CSMD1: variants seen among roughly 807,000 people sequenced by gnomAD.
The protein encoded by CSMD1 is CUB and sushi domain-containing protein 1.
A neutral mutation model predicts 417.5 loss-of-function variants in CSMD1; 213 were observed. That is an observed-to-expected ratio of 0.51 (90% CI 0.46 to 0.57). The LOEUF (loss-of-function observed/expected upper bound fraction) is 0.57, where lower values mean the gene tolerates loss of function less well. Among genes scored for constraint, CSMD1 ranks in the 20% least tolerant of loss-of-function variants. The pLI is 0.00. For synonymous variants in CSMD1, 2,862 were observed against 1,736.8 expected (o/e 1.65, Z -16.11); for missense variants, 6,923 against 4,529.7 (o/e 1.53, Z -15.17).
At chr8:3,288,459 T>C (rs58245319) in intron 25 of CSMD1, among the ~76,000 whole-genome samples, 21,860 of 146,772 alleles carry the variant, frequency 0.15, 3,309 homozygotes, top group African/African-American at 0.25. Flanking sequence ...AGCTACTGAT[T>C]ATTGCCTCAA....
chr8:4,736,789 G>T (rs1282973691), intron 1 of CSMD1, among the ~76,000 whole-genome samples: 5 of 152,156 alleles, frequency 3.3e-5, no homozygotes, highest in Non-Finnish European at 7.4e-5. Context: ...TAACACTTTT[G>T]TATAAACAAG....
intron 5 of CSMD1, among the ~76,000 whole-genome samples, chr8:3,996,142 T>G (rs992217875): frequency 2.6e-5 from 4 of 152,126 alleles, no homozygotes; most frequent in African/African-American, 9.7e-5. Flanking sequence ...AAGCTGCCAC[T>G]GATCATAGGT....
chr8:3,942,615 C>T lies in CSMD1; in HGVS notation c.818+55288G>A, dbSNP rs111774762. On this transcript the variant is annotated intron_variant, in intron 5 of 69. Coordinates refer to ENST00000635120, the MANE Select transcript of CSMD1 (RefSeq NM_033225.6). ...TTTTCCTCTAAAGGCGACATTGGTC[C>T]GGCCATTCTACTTACTGGTTAGCCT... 7.5e-3 allele frequency among the ~76,000 whole-genome samples: 1,147 copies of T among 152,220 alleles called. 14 individuals carry two copies. The highest frequency in any genetic ancestry group is 0.025 in the African/African-American group (1,053 of 41,526).
At chr8:3,050,798 T>A (rs1403352544) in intron 50 of CSMD1, among the ~76,000 whole-genome samples, 1 of 152,196 alleles carries the variant, frequency 6.6e-6, no homozygotes, top group African/African-American at 2.4e-5. Flanking sequence ...TCTAAGTATA[T>A]GGATATAAGT....
intron 2 of CSMD1, among the ~76,000 whole-genome samples, chr8:4,528,502 A>G (rs1263710488): frequency 1.3e-5 from 2 of 152,234 alleles, no homozygotes; most frequent in Admixed American, 6.5e-5. Flanking sequence ...GCTGTGTAGC[A>G]TGGCGCCTAG....
intron 3 of CSMD1, among the ~76,000 whole-genome samples, chr8:4,191,377 C>G (rs1025114298): frequency 7.2e-5 from 11 of 151,978 alleles, no homozygotes; most frequent in Non-Finnish European, 1.6e-4. Flanking sequence ...GCCTGGGCAA[C>G]AGAGCAAGAC....
At chr8:3,977,871 T>C (rs1389267663) in intron 5 of CSMD1, among the ~76,000 whole-genome samples, 1 of 152,208 alleles carries the variant, frequency 6.6e-6, no homozygotes, top group Non-Finnish European at 1.5e-5. Flanking sequence ...AGGCTGAGAA[T>C]AAATTTAATA....
intron 5 of CSMD1, among the ~76,000 whole-genome samples, chr8:3,864,062 C>A (rs1164544765): frequency 2.0e-5 from 3 of 151,846 alleles, no homozygotes; most frequent in South Asian, 2.1e-4. Flanking sequence ...TGAAGATGGC[C>A]CAGATAATAT....
At position 3,362,696 on chromosome 8, in the gene CSMD1, C is replaced by T. The variant is rs569213501; in HGVS notation, c.3116-3356G>A. Among the ~76,000 whole-genome samples, 3 of 152,292 alleles carry T rather than the reference C, an allele frequency of 2.0e-5. No homozygotes were observed. The South Asian group carries it at 6.2e-4, about 32-fold the overall frequency. ...AGGAGAAAAAGGTCTGTATTTTCTTCCCAAACCTGCTTTGCTTCCAGTGGT... is the reference window on the plus strand; with the variant it reads ...AGGAGAAAAAGGTCTGTATTTTCTTTCCAAACCTGCTTTGCTTCCAGTGGT... On this transcript the variant is annotated intron_variant, in intron 20 of 69. Coordinates refer to ENST00000635120, the MANE Select transcript of CSMD1 (RefSeq NM_033225.6).
chr8:3,997,908 G>A lies in CSMD1; in HGVS notation c.813C>T (p.Ser271=). The A allele has an allele frequency of 6.2e-7, 1 of 1,611,588 alleles. No homozygotes were observed. Residue 271 remains serine (S), a synonymous_variant, in exon 5 of 70, where the codon TCC becomes TCT. Transcript: ENST00000635120. ...FLEISGTEAP[S]IWLTGMNLPS... ...CATCTCTTCCCGGGACTTACCATAT[G>A]GATGGAGCTTCCGTGCCACTGATCT...
chr8:3,133,333 G>A (rs1817897603), intron 41 of CSMD1, among the ~76,000 whole-genome samples: 1 of 152,140 alleles, frequency 6.6e-6, no homozygotes, highest in South Asian at 2.1e-4. Flanking sequence ...CTACCCTCCG[G>A]GGATGCCGGC....
At chr8:4,648,397 A>G (rs1803674168) in intron 1 of CSMD1, among the ~76,000 whole-genome samples, 1 of 152,070 alleles carries the variant, frequency 6.6e-6, no homozygotes, top group Non-Finnish European at 1.5e-5. Flanking sequence ...AGTGGCCCCT[A>G]ATGGTGCCTC....
chr8:3,093,497 T>A (rs1815094103), intron 47 of CSMD1, among the ~76,000 whole-genome samples: 3 of 152,040 alleles, frequency 2.0e-5, no homozygotes, highest in Admixed American at 2.0e-4. Flanking sequence ...TAAAACCCCA[T>A]CATTACTAAA....
At chr8:3,802,446 T>A (rs1316412222) in intron 5 of CSMD1, among the ~76,000 whole-genome samples, 1 of 152,192 alleles carries the variant, frequency 6.6e-6, no homozygotes, top group African/African-American at 2.4e-5. Flanking sequence ...TTTTTCTTAT[T>A]AAATTTGTCA....
At chr8:3,835,242 C>A (rs1027873397) in intron 5 of CSMD1, among the ~76,000 whole-genome samples, 3 of 151,730 alleles carry the variant, frequency 2.0e-5, no homozygotes, top group Non-Finnish European at 2.9e-5. Flanking sequence ...GATTATAAAT[C>A]ATGCTGCTAT....
chr8:3,948,390 G>A (rs1219381237), intron 5 of CSMD1, among the ~76,000 whole-genome samples: 2 of 152,156 alleles, frequency 1.3e-5, no homozygotes, highest in African/African-American at 2.4e-5. Flanking sequence ...GATGCATACA[G>A]GAGAGGGAGG....
chr8:4,437,323 G>A (rs1424599364), intron 2 of CSMD1, among the ~76,000 whole-genome samples: 1 of 152,126 alleles, frequency 6.6e-6, no homozygotes, highest in Admixed American at 6.6e-5. Flanking sequence ...AAAAAAATAA[G>A]CTTGTTTTAA....
Position 4,277,737 on chromosome 8 carries a change from C to G in CSMD1, c.415+142216G>C, listed in dbSNP as rs112363535. Among the ~76,000 whole-genome samples, 232 of 152,146 alleles carry G rather than the reference C, an allele frequency of 1.5e-3. 2 individuals are homozygous for G. Among genetic ancestry groups the G allele is most frequent in the Admixed American group, 6.4e-3 (98 of 15,274 alleles). ...AACATAATTAGACCTTACCCATTCC[C>G]TAAATGTATTTTTATTTTTGTTTTT... is the stretch of plus-strand genomic sequence containing the variant. On this transcript the variant is annotated intron_variant, in intron 3 of 69. Coordinates refer to ENST00000635120, the MANE Select transcript of CSMD1 (RefSeq NM_033225.6).
At chr8:3,178,063 G>A (rs1033535885) in intron 37 of CSMD1, among the ~76,000 whole-genome samples, 2 of 152,136 alleles carry the variant, frequency 1.3e-5, no homozygotes, top group Non-Finnish European at 2.9e-5. Flanking sequence ...CTTGGATTCT[G>A]TAAGATTACA....
Sources: allele counts gnomAD v4.1 joint callset (sites outside exome capture counted in the v4.1 genomes callset), GRCh38; gene constraint gnomAD v4.1.1; transcripts MANE v1.5; gene names NCBI Gene and HGNC (gene_info 2026-07-23, HGNC 2026-07-21).